FMO5: variants seen among roughly 807,000 people sequenced by gnomAD.
FMO5 encodes the protein flavin containing dimethylaniline monoxygenase 5.
In FMO5, 51 loss-of-function variants were observed where a neutral mutation model predicts 43.6. The observed-to-expected ratio is 1.17, with a 90% CI of 0.93 to 1.48. The LOEUF (loss-of-function observed/expected upper bound fraction) is 1.48. Ranked by LOEUF, FMO5 falls within the 40% of genes most tolerant of loss-of-function variation. The probability of loss-of-function intolerance (pLI) is 0.00; values close to 1 mark genes in which losing one functional copy is unlikely to be tolerated. For missense variants in FMO5, 644 were observed against 643.0 expected (o/e 1.00, Z -0.02); for synonymous variants, 187 against 216.5 (o/e 0.86, Z 1.20).
intron 7 of FMO5, among the ~76,000 whole-genome samples, chr1:147,194,607 A>G (rs1379304119): frequency 1.3e-5 from 2 of 152,082 alleles, no homozygotes; most frequent in African/African-American, 2.4e-5. Flanking sequence ...TAGCCTTGAC[A>G]GTCTTTACAT....
intron 2 of FMO5, among the ~76,000 whole-genome samples, chr1:147,220,789 A>C (rs1276789627): frequency 2.0e-5 from 3 of 152,170 alleles, no homozygotes; most frequent in African/African-American, 7.2e-5. Context: ...TTATCCTTGT[A>C]ACAAACTTTC....
At chr1:147,227,018 G>C (rs1252131833), upstream of FMO5, among the ~76,000 whole-genome samples, 1 of 152,012 alleles carries the variant, frequency 6.6e-6, no homozygotes, top group Non-Finnish European at 1.5e-5. Flanking sequence ...TTGTAGAAAT[G>C]AGGTTTCACT....
Position 147,196,490 on chromosome 1 carries a change from G to GA in FMO5, c.1183+4661dup, listed in dbSNP as rs142187150. Among the ~76,000 whole-genome samples, 1,074 of 150,658 alleles carry GA rather than the reference G, an allele frequency of 7.1e-3. 7 individuals are homozygous for GA. The highest frequency in any genetic ancestry group is 0.012 in the Non-Finnish European group (809 of 67,606). ...GGAGACACCCAATTCATAAAAGAAA[G>GA]AAAAAAACAACAAAAAACCCTATCT... On this transcript the variant is annotated intron_variant, in intron 7 of 8. Transcript: ENST00000254090.
intron 7 of FMO5, among the ~76,000 whole-genome samples, chr1:147,193,022 A>G (rs1293231808): frequency 3.8e-4 from 58 of 152,180 alleles, no homozygotes; most frequent in Admixed American, 1.0e-3. Flanking sequence ...TGCTGGCCTC[A>G]TAAAATGAGT....
intron 7 of FMO5, among the ~76,000 whole-genome samples, chr1:147,194,712 A>C (rs1354615830): frequency 6.6e-6 from 1 of 152,020 alleles, no homozygotes; most frequent in East Asian, 1.9e-4. Context: ...GGTGGTCACA[A>C]AATCTCTCAG....
chr1:147,222,181 C>T (rs1340921231), intron 2 of FMO5, among the ~76,000 whole-genome samples: 1 of 152,116 alleles, frequency 6.6e-6, no homozygotes, highest in Admixed American at 6.5e-5. Flanking sequence ...AATAGCCTGG[C>T]CAACATGGTG....
intron 6 of FMO5, among the ~76,000 whole-genome samples, chr1:147,207,258 T>G (rs782759715): frequency 1.3e-5 from 2 of 152,168 alleles, no homozygotes; most frequent in African/African-American, 4.8e-5. Context: ...ATGCTCTATA[T>G]GTATGGACCT....
chr1:147,195,443 T>C (rs1553919612), intron 7 of FMO5, among the ~76,000 whole-genome samples: 1 of 152,112 alleles, frequency 6.6e-6, no homozygotes, highest in Non-Finnish European at 1.5e-5. Context: ...AAAATAAATC[T>C]TAATCACATT....
In FMO5 at chr1:147,212,418, ACAGC is replaced by A; in HGVS notation, c.601_604del (p.Ala201Ter). On this transcript the variant is annotated frameshift_variant, in exon 5 of 9. Transcript: ENST00000254090. LOFTEE classifies it high-confidence loss of function. Reference sequence around the variant, plus strand: ...CTGCTTGGCTGTTTGGCTAATCTCTACAGCCAGATCCCCTCCAGAATTCCCAATG... The same window carrying A: ...CTGCTTGGCTGTTTGGCTAATCTCTACAGATCCCCTCCAGAATTCCCAATG... The A allele has an allele frequency of 1.2e-6, 2 of 1,614,096 alleles. No individual in the cohort carries two copies. The highest frequency in any genetic ancestry group is 4.5e-5 in the East Asian group (2 of 44,874).
chr1:147,216,514 GT>G (rs1313541356), intron 2 of FMO5, among the ~76,000 whole-genome samples: 2 of 152,012 alleles, frequency 1.3e-5, no homozygotes, highest in African/African-American at 2.4e-5. Context: ...CATCTCCAGC[GT>G]TTTCTGGAGA....
chr1:147,223,791 A>G, intron 2 of FMO5: 1 of 267,554 alleles, frequency 3.7e-6, no homozygotes, highest in Non-Finnish European at 7.4e-6. Context: ...ACTTCCTGCC[A>G]TTAACCAGTT....
At chr1:147,191,458 A>G (rs1656785489) in intron 7 of FMO5, among the ~76,000 whole-genome samples, 3 of 151,874 alleles carry the variant, frequency 2.0e-5, no homozygotes, top group Admixed American at 6.6e-5. Flanking sequence ...TTTTTCATGT[A>G]TTTTTTGGCT....
At chr1:147,184,553 T>C, downstream of FMO5, 2 of 1,549,130 alleles carry the variant, frequency 1.3e-6, no homozygotes, top group Non-Finnish European at 1.7e-6. The surrounding 1 kb of genome is among the most constrained non-coding windows in gnomAD (Gnocchi z 4.4). Context: ...GTTGATGATC[T>C]TGACAGTTTT....
chr1:147,203,838 C>T (rs1659488099), intron 6 of FMO5: 1 of 1,571,718 alleles, frequency 6.4e-7, no homozygotes, highest in African/African-American at 1.3e-5. Context: ...TCTTCCTTTT[C>T]ATGCTTAAAA....
At chr1:147,213,281 G>A (rs1377657886) in intron 4 of FMO5, 27 bp downstream of exon 4, 1 of 1,583,918 alleles carries the variant, frequency 6.3e-7, no homozygotes, top group Non-Finnish European at 8.6e-7. Flanking sequence ...ATGGGTCAAG[G>A]GTCTTCCTTC....
intron 8 of FMO5, among the ~76,000 whole-genome samples, chr1:147,188,763 T>TAA (rs781911905): frequency 7.1e-6 from 1 of 140,458 alleles, no homozygotes. Flanking sequence ...TTTCAGAAGT[T>TAA]AAAAAAAAAA....
At chr1:147,191,002 AG>A (rs760058776) in intron 7 of FMO5, among the ~76,000 whole-genome samples, 6 of 152,116 alleles carry the variant, frequency 3.9e-5, no homozygotes, top group Non-Finnish European at 7.3e-5. Flanking sequence ...GTCCCTACAA[AG>A]GACATGAACT....
intron 7 of FMO5, among the ~76,000 whole-genome samples, chr1:147,195,339 G>T (rs1299744818): frequency 2.6e-5 from 4 of 151,702 alleles, no homozygotes; most frequent in Middle Eastern, 3.2e-3. Context: ...CACCATATTG[G>T]TCAGGCTGGT....
intron 6 of FMO5, chr1:147,203,478 A>G: frequency 1.2e-6 from 1 of 836,784 alleles, no homozygotes; most frequent in South Asian, 1.3e-5. Flanking sequence ...CAGCCTCAGT[A>G]TCTAATCCAA....
Sources: gnomAD v4.1 joint callset for allele counts (sites outside exome capture counted in the v4.1 genomes callset) on GRCh38, gnomAD v4.1.1 for gene constraint, Gnocchi (gnomAD v3.1) non-coding constraint, MANE v1.5 for transcripts, NCBI Gene and HGNC (gene_info 2026-07-23, HGNC 2026-07-21) for gene names.